The following KCNG3 variants were observed in gnomAD, a reference collection of about 807,000 sequenced individuals.
The protein encoded by KCNG3 is potassium voltage-gated channel modifier subfamily G member 3, also known as voltage-gated potassium channel regulatory subunit KCNG3.
Under a neutral mutation model 29.0 loss-of-function variants are expected in KCNG3, and 15 were observed. The observed-to-expected ratio is 0.52, with a 90% CI of 0.35 to 0.80. The LOEUF (loss-of-function observed/expected upper bound fraction) is 0.80, where lower values mean the gene tolerates loss of function less well. Among genes scored for constraint, KCNG3 ranks in the 30% least tolerant of loss-of-function variants. KCNG3 has a pLI of 0.01. For synonymous variants in KCNG3, 322 were observed against 248.9 expected, an observed-to-expected ratio of 1.29 and a Z score of -2.76; for missense variants, 512 against 605.7, an observed-to-expected ratio of 0.85 and a Z score of 1.62.
intron 1 of KCNG3, among the ~76,000 whole-genome samples, chr2:42,476,320 AC>A (rs1463302822): frequency 1.3e-5 from 2 of 151,386 alleles, no homozygotes; most frequent in African/African-American, 2.4e-5. Context: ...AAAAAAAAAT[AC>A]AAAAAATTAG....
chr2:42,443,611 G>C lies in KCNG3; in HGVS notation c.*323C>G, dbSNP rs1006722146. On this transcript the variant is annotated 3_prime_UTR_variant, in exon 2 of 2. Transcript: ENST00000306078. ...AATTCATAAGATGGAAAAACATTTG[G>C]AAAATAGTACCTTTCTGTTTTAAAA... 22 of 202,010 alleles carry C rather than the reference G, an allele frequency of 1.1e-4. No homozygotes were observed. Among genetic ancestry groups the C allele is most frequent in the Middle Eastern group, 1.8e-3 (1 of 554 alleles). 12.5% of individuals were successfully genotyped at this position (202,010 alleles called of 1,614,324 possible). A position where few individuals can be genotyped will look rare whatever the true frequency, so the allele number is the denominator to read the frequency against.
the KCNG3 span, among the ~76,000 whole-genome samples, chr2:42,389,933 T>G: frequency 6.6e-6 from 1 of 152,232 alleles, no homozygotes; most frequent in Non-Finnish European, 1.5e-5. Context: ...GGGTATGTCT[T>G]GTTTCTGCCT....
chr2:42,399,157 A>G, the KCNG3 span, among the ~76,000 whole-genome samples: 2,343 of 148,012 alleles, frequency 0.016, 77 homozygotes, highest in African/African-American at 0.055. Flanking sequence ...CCTGGGCTCA[A>G]GTGATCCTCC....
At chr2:42,459,140 G>A (rs1332427892) in intron 1 of KCNG3, among the ~76,000 whole-genome samples, 1 of 150,242 alleles carries the variant, frequency 6.7e-6, no homozygotes, top group African/African-American at 2.5e-5. Flanking sequence ...AGGTTGCAGT[G>A]AGCCAAGATC....
At chr2:42,431,081 G>A in the KCNG3 span, among the ~76,000 whole-genome samples, 3 of 150,998 alleles carry the variant, frequency 2.0e-5, no homozygotes, top group Non-Finnish European at 4.4e-5. Context: ...ACTCCAGCCT[G>A]GGCAGACAAA....
At position 42,470,337 on chromosome 2, in the gene KCNG3, C is replaced by G. The variant is rs1673256518; in HGVS notation, c.665+22500G>C. The stretch of plus-strand genomic sequence containing the variant: ...AAAAATGTACAGATTCTATAAGCCC[C>G]AAAACACCATAAACAAAGTAAAAAT... On this transcript the variant is annotated intron_variant, in intron 1 of 1. Coordinates refer to ENST00000306078, the MANE Select transcript of KCNG3 (RefSeq NM_133329.6). The G allele has an allele frequency of 3.1e-5, 8 of 255,508 alleles. No homozygotes were observed. The South Asian group carries it at 4.0e-4, about 13-fold the overall frequency. 15.8% of individuals were successfully genotyped at this position (255,508 alleles called of 1,614,324 possible). A position where few individuals can be genotyped will look rare whatever the true frequency, so the allele number is the denominator to read the frequency against.
At chr2:42,439,922 C>T (rs1672438840), downstream of KCNG3, among the ~76,000 whole-genome samples, 1 of 152,136 alleles carries the variant, frequency 6.6e-6, no homozygotes, top group Non-Finnish European at 1.5e-5. Context: ...GGATTACAGG[C>T]GTGAGTCACC....
chr2:42,420,989 A>ATACAGCTTTATGAGT, the KCNG3 span, among the ~76,000 whole-genome samples: 3 of 152,304 alleles, frequency 2.0e-5, no homozygotes, highest in Admixed American at 1.3e-4. Context: ...TTAGAAACAA[A>ATACAGCTTTATGAGT]AAGGGCAGCT....
At chr2:42,409,721 AAAAAAAAAT>A in the KCNG3 span, among the ~76,000 whole-genome samples, 439 of 136,804 alleles carry the variant, frequency 3.2e-3, 21 homozygotes, top group East Asian at 0.022. Flanking sequence ...AAAAAAAAAA[AAAAAAAAAT>A]TTTTTTTTAA....
chr2:42,404,928 A>T, the KCNG3 span, among the ~76,000 whole-genome samples: 1 of 152,120 alleles, frequency 6.6e-6, no homozygotes, highest in East Asian at 1.9e-4. Flanking sequence ...TGCTACAAAC[A>T]ACTCCCCAGA....
intron 1 of KCNG3, among the ~76,000 whole-genome samples, chr2:42,452,447 A>C (rs939561149): frequency 6.6e-6 from 1 of 151,786 alleles, no homozygotes; most frequent in Non-Finnish European, 1.5e-5. Context: ...TTGTGCTAGC[A>C]AATACTAGGT....
chr2:42,430,411 TAC>T, the KCNG3 span, among the ~76,000 whole-genome samples: 3 of 145,790 alleles, frequency 2.1e-5, no homozygotes, highest in South Asian at 4.5e-4. Context: ...AATAAATAAA[TAC>T]GCTAACCAAC....
chr2:42,434,458 CAAAAAAAAAAAAAAA>C, the KCNG3 span, among the ~76,000 whole-genome samples: 1 of 31,236 alleles, frequency 3.2e-5, no homozygotes, highest in Admixed American at 7.4e-4. Flanking sequence ...GACACTGTCT[CAAAAAAAAAAAAAAA>C]AAAAAAAAAA....
intron 1 of KCNG3, among the ~76,000 whole-genome samples, chr2:42,452,412 T>C (rs1672783126): frequency 6.6e-6 from 1 of 151,790 alleles, no homozygotes; most frequent in African/African-American, 2.4e-5. Flanking sequence ...TAAGATTAAA[T>C]TATTTTTTTA....
intron 1 of KCNG3, among the ~76,000 whole-genome samples, chr2:42,466,189 T>C (rs2103698432): frequency 6.6e-6 from 1 of 152,282 alleles, no homozygotes; most frequent in South Asian, 2.1e-4. Context: ...GCGGATCACC[T>C]AAGGTCAGGA....
intron 1 of KCNG3, among the ~76,000 whole-genome samples, chr2:42,486,139 C>G (rs75405969): frequency 0.038 from 5,735 of 152,326 alleles, 129 homozygotes; most frequent in Middle Eastern, 0.082. Context: ...AGAAAAAGAA[C>G]TGGATTCAGG....
rs192871841 is a variant in KCNG3 at position 42,490,302 on chromosome 2, G to A, written c.665+2535C>T. Among the ~76,000 whole-genome samples, 265 of 152,284 alleles carry A rather than the reference G, an allele frequency of 1.7e-3. 2 individuals carry two copies. The highest frequency in any genetic ancestry group is 6.0e-3 in the African/African-American group (248 of 41,560). The stretch of plus-strand genomic sequence containing the variant: ...TATAAATGACACTCCCTGGCCAGGC[G>A]CGGTGGCTCACGCCTGTAGTCCTAG... On this transcript the variant is annotated intron_variant, in intron 1 of 1. Coordinates refer to ENST00000306078, the MANE Select transcript of KCNG3 (RefSeq NM_133329.6).
At chr2:42,454,164 G>T (rs1208774100) in intron 1 of KCNG3, among the ~76,000 whole-genome samples, 3 of 151,014 alleles carry the variant, frequency 2.0e-5, no homozygotes, top group African/African-American at 7.3e-5. Context: ...TTGTAAAAGG[G>T]TACATCCACT....
the KCNG3 span, among the ~76,000 whole-genome samples, chr2:42,417,137 G>T: frequency 9.2e-5 from 14 of 152,034 alleles, no homozygotes; most frequent in Non-Finnish European, 1.9e-4. Context: ...CAGCTGCCTG[G>T]GAGGCTGAGG....
Sources: allele counts gnomAD v4.1 joint callset (sites outside exome capture counted in the v4.1 genomes callset), GRCh38; gene constraint gnomAD v4.1.1; transcripts MANE v1.5; gene names NCBI Gene and HGNC (gene_info 2026-07-23, HGNC 2026-07-21).